HTR1F: variants seen among roughly 807,000 people sequenced by gnomAD.
HTR1F encodes the protein 5-hydroxytryptamine (serotonin) receptor 1F, G protein-coupled.
A neutral mutation model predicts 24.0 loss-of-function variants in HTR1F; 17 were observed. That is an observed-to-expected ratio of 0.71 (90% CI 0.48 to 1.06). HTR1F has a LOEUF of 1.06. Among genes scored for constraint, HTR1F ranks in the 50% least tolerant of loss-of-function variants. The probability of loss-of-function intolerance (pLI) is 0.00; values close to 1 mark genes in which losing one functional copy is unlikely to be tolerated. For missense variants in HTR1F, 391 were observed against 427.8 expected, an observed-to-expected ratio of 0.91 and a Z score of 0.76; for synonymous variants, 186 against 156.8, an observed-to-expected ratio of 1.19 and a Z score of -1.39.
In HTR1F at chr3:87,946,861, A is replaced by G. The variant is rs1316346883; in HGVS notation, c.-42-43847A>G. On this transcript the variant is annotated intron_variant, in intron 2 of 2. Transcript: ENST00000319595. ...AGGATGGTCTTGATCTCCTGACCTC[A>G]TGATCTGCCCGCCTTAGCCTCCCAA... is the stretch of plus-strand genomic sequence containing the variant. 1.1e-4 allele frequency among the ~76,000 whole-genome samples: 16 copies of G among 151,960 alleles called. No homozygotes were observed. In the East Asian group the frequency reaches 3.1e-3, roughly 29 times the overall value.
chr3:87,875,680 T>G (rs532983460), intron 2 of HTR1F, among the ~76,000 whole-genome samples: 7 of 151,844 alleles, frequency 4.6e-5, no homozygotes, highest in Admixed American at 2.6e-4. Flanking sequence ...ATCTCATCAC[T>G]TTGGGAGGCC....
At chr3:87,906,293 T>C (rs1334010181) in intron 2 of HTR1F, among the ~76,000 whole-genome samples, 1 of 152,042 alleles carries the variant, frequency 6.6e-6, no homozygotes, top group Non-Finnish European at 1.5e-5. Flanking sequence ...GATACCAAAC[T>C]GTATGTGTTG....
At chr3:87,890,843 CT>C (rs5850816) in intron 2 of HTR1F, among the ~76,000 whole-genome samples, 3,631 of 139,042 alleles carry the variant, frequency 0.026, 45 homozygotes, top group Non-Finnish European at 0.034. Flanking sequence ...TCAATTATTT[CT>C]TTTTTTTTTT....
intron 2 of HTR1F, among the ~76,000 whole-genome samples, chr3:87,915,256 C>G (rs1020016214): frequency 2.0e-5 from 3 of 152,140 alleles, no homozygotes; most frequent in Non-Finnish European, 4.4e-5. Flanking sequence ...TGAGAAGGAA[C>G]CAGAAAACCA....
chr3:87,934,656 A>T (rs746906868), intron 2 of HTR1F, among the ~76,000 whole-genome samples: 1 of 152,112 alleles, frequency 6.6e-6, no homozygotes, highest in Non-Finnish European at 1.5e-5. Context: ...TCCCAAGATG[A>T]CTTCAACAAT....
chr3:87,982,397 T>G (rs1705564093), intron 2 of HTR1F, among the ~76,000 whole-genome samples: 3 of 152,222 alleles, frequency 2.0e-5, no homozygotes, highest in Admixed American at 6.5e-5. Flanking sequence ...TGGAAAGAAT[T>G]ATGCATATGA....
intron 2 of HTR1F, among the ~76,000 whole-genome samples, chr3:87,966,415 T>G (rs1705163850): frequency 2.0e-5 from 3 of 152,216 alleles, no homozygotes; most frequent in East Asian, 1.9e-4. Context: ...CCCATTTTTG[T>G]GAGCTTTTTC....
chr3:87,869,902 T>C (rs758520492), intron 2 of HTR1F, among the ~76,000 whole-genome samples: 1 of 152,138 alleles, frequency 6.6e-6, no homozygotes, highest in African/African-American at 2.4e-5. Context: ...TTAACCATCA[T>C]AGTTGCGAAT....
intron 2 of HTR1F, among the ~76,000 whole-genome samples, chr3:87,881,308 C>A (rs1460248279): frequency 6.6e-6 from 1 of 152,206 alleles, no homozygotes; most frequent in Non-Finnish European, 1.5e-5. Flanking sequence ...GGTCCCACAC[C>A]AACAGAGCCT....
chr3:87,890,426 A>G (rs1344774043), intron 2 of HTR1F, among the ~76,000 whole-genome samples: 5 of 152,174 alleles, frequency 3.3e-5, no homozygotes. Flanking sequence ...TTAAGGTTCT[A>G]AGAGGTTTAG....
At chr3:87,823,990 G>A (rs1704412155) in intron 2 of HTR1F, among the ~76,000 whole-genome samples, 1 of 151,378 alleles carries the variant, frequency 6.6e-6, no homozygotes, top group South Asian at 2.1e-4. Flanking sequence ...CCGGGAGGCG[G>A]AGTTTGCAGT....
intron 2 of HTR1F, among the ~76,000 whole-genome samples, chr3:87,931,359 C>A (rs1259461744): frequency 2.6e-5 from 4 of 152,132 alleles, no homozygotes; most frequent in South Asian, 4.1e-4. Flanking sequence ...TCATCCATGT[C>A]CCTACAAAGG....
At chr3:87,911,866 T>A (rs1296193720) in intron 2 of HTR1F, among the ~76,000 whole-genome samples, 1 of 152,040 alleles carries the variant, frequency 6.6e-6, no homozygotes, top group African/African-American at 2.4e-5. Context: ...AAATTCAACT[T>A]CCTTTCATGT....
intron 2 of HTR1F, among the ~76,000 whole-genome samples, chr3:87,907,561 C>T (rs1703694794): frequency 6.6e-6 from 1 of 151,930 alleles, no homozygotes; most frequent in African/African-American, 2.4e-5. Flanking sequence ...ATAGAAAATT[C>T]ATGAGATGTT....
intron 2 of HTR1F, among the ~76,000 whole-genome samples, chr3:87,852,303 T>C (rs1197702123): frequency 6.6e-6 from 1 of 151,730 alleles, no homozygotes; most frequent in Non-Finnish European, 1.5e-5. Context: ...GAATTCTTTA[T>C]ATCTGTTTTA....
At chr3:87,854,834 T>C (rs1247981326) in intron 2 of HTR1F, among the ~76,000 whole-genome samples, 1 of 152,084 alleles carries the variant, frequency 6.6e-6, no homozygotes, top group Non-Finnish European at 1.5e-5. Flanking sequence ...CGTCTTGACA[T>C]TCATATCTAT....
intron 2 of HTR1F, among the ~76,000 whole-genome samples, chr3:87,978,331 T>C (rs1350315162): frequency 6.6e-6 from 1 of 152,172 alleles, no homozygotes; most frequent in Non-Finnish European, 1.5e-5. Context: ...GTCGGGGAGC[T>C]GTGTTTCAGT....
intron 2 of HTR1F, among the ~76,000 whole-genome samples, chr3:87,843,297 G>C (rs952773061): frequency 6.6e-6 from 1 of 151,864 alleles, no homozygotes. Flanking sequence ...GATATGCTTT[G>C]CTGCATTCTG....
chr3:87,960,059 CAGCCT>C (rs1304987478), intron 2 of HTR1F, among the ~76,000 whole-genome samples: 1 of 151,902 alleles, frequency 6.6e-6, no homozygotes, highest in Non-Finnish European at 1.5e-5. Flanking sequence ...CAATAATTCT[CAGCCT>C]AGCTACACAT....
Sources: gnomAD v4.1 joint callset for allele counts (sites outside exome capture counted in the v4.1 genomes callset) on GRCh38, gnomAD v4.1.1 for gene constraint, MANE v1.5 for transcripts, NCBI Gene and HGNC (gene_info 2026-07-23, HGNC 2026-07-21) for gene names.